The following DPP10 variants were observed in gnomAD, a reference collection of about 807,000 sequenced individuals.
DPP10 encodes dipeptidyl peptidase like 10.
Under a neutral mutation model 120.9 loss-of-function variants are expected in DPP10, and 33 were observed. The observed-to-expected ratio is 0.27, with a 90% CI of 0.21 to 0.37. The LOEUF (loss-of-function observed/expected upper bound fraction) is 0.37, where lower values mean the gene tolerates loss of function less well. DPP10 is among the 10% of genes least tolerant of loss of function. The probability of loss-of-function intolerance (pLI) is 1.00; values close to 1 mark genes in which losing one functional copy is unlikely to be tolerated. For missense variants in DPP10, 816 were observed against 942.8 expected, an observed-to-expected ratio of 0.87 and a Z score of 1.76; for synonymous variants, 337 against 326.1, an observed-to-expected ratio of 1.03 and a Z score of -0.36.
At chr2:115,037,572 G>GC (rs1173508406) in intron 1 of DPP10, among the ~76,000 whole-genome samples, 1 of 152,174 alleles carries the variant, frequency 6.6e-6, no homozygotes, top group Non-Finnish European at 1.5e-5. Context: ...GTTCCTTAGA[G>GC]CAACTACATG....
At chr2:114,677,933 A>G (rs753304891) in intron 1 of DPP10, among the ~76,000 whole-genome samples, 6 of 152,162 alleles carry the variant, frequency 3.9e-5, no homozygotes, top group Non-Finnish European at 8.8e-5. Context: ...TATGTTTTAC[A>G]TGTGATTTAT....
intron 1 of DPP10, among the ~76,000 whole-genome samples, chr2:114,876,087 TA>T (rs978377233): frequency 2.0e-5 from 3 of 152,010 alleles, no homozygotes; most frequent in African/African-American, 7.2e-5. Flanking sequence ...AAGCACTTTA[TA>T]AAGAAAAATA....
chr2:115,147,307 T>C (rs2051281777), intron 1 of DPP10, among the ~76,000 whole-genome samples: 1 of 152,020 alleles, frequency 6.6e-6, no homozygotes, highest in Admixed American at 6.6e-5. Flanking sequence ...TGAAAACTTA[T>C]TAATTAAAAT....
intron 3 of DPP10, among the ~76,000 whole-genome samples, chr2:115,461,922 G>T (rs2074009149): frequency 6.6e-6 from 1 of 151,928 alleles, no homozygotes; most frequent in African/African-American, 2.4e-5. Context: ...ATAAACTAAA[G>T]GCATAATTTA....
At chr2:115,471,633 C>T (rs1276803443) in intron 3 of DPP10, among the ~76,000 whole-genome samples, 1 of 151,134 alleles carries the variant, frequency 6.6e-6, no homozygotes, top group Non-Finnish European at 1.5e-5. Flanking sequence ...CTCACACAGA[C>T]TGGAGTGCAG....
At chr2:114,956,087 C>T (rs1698180787) in intron 1 of DPP10, among the ~76,000 whole-genome samples, 1 of 151,992 alleles carries the variant, frequency 6.6e-6, no homozygotes, top group Admixed American at 6.6e-5. Flanking sequence ...TACTGGATGT[C>T]TTAGCTAGAG....
intron 1 of DPP10, among the ~76,000 whole-genome samples, chr2:114,525,419 T>C (rs939798018): frequency 6.6e-6 from 1 of 152,176 alleles, no homozygotes; most frequent in East Asian, 1.9e-4. Flanking sequence ...AAGGAACACA[T>C]GTGTTAAAAG....
intron 1 of DPP10, among the ~76,000 whole-genome samples, chr2:114,494,459 C>T (rs1682323471): frequency 6.6e-6 from 1 of 152,126 alleles, no homozygotes; most frequent in Non-Finnish European, 1.5e-5. Flanking sequence ...GCCAGGGAAG[C>T]AGCATGTGAA....
chr2:114,783,490 A>G (rs1682503239), intron 1 of DPP10, among the ~76,000 whole-genome samples: 1 of 152,150 alleles, frequency 6.6e-6, no homozygotes, highest in African/African-American at 2.4e-5. Context: ...TTAAATAACT[A>G]AACATATAAA....
At chr2:114,801,007 T>C (rs1277165033) in intron 1 of DPP10, among the ~76,000 whole-genome samples, 1 of 151,374 alleles carries the variant, frequency 6.6e-6, no homozygotes, top group African/African-American at 2.4e-5. Flanking sequence ...CTCACGCCTG[T>C]AATCCCAGCA....
chr2:114,714,423 T>C (rs1701226926), intron 1 of DPP10, among the ~76,000 whole-genome samples: 1 of 152,150 alleles, frequency 6.6e-6, no homozygotes, highest in African/African-American at 2.4e-5. Flanking sequence ...TGAGAGCTGA[T>C]GATGACAGAG....
At chr2:115,427,044 C>G in intron 3 of DPP10, among the ~76,000 whole-genome samples, 1 of 152,230 alleles carries the variant, frequency 6.6e-6, no homozygotes, top group East Asian at 1.9e-4. Context: ...GTTCAAAACA[C>G]AGCAGGGTAG....
At chr2:115,099,684 G>A (rs1383484430) in intron 1 of DPP10, among the ~76,000 whole-genome samples, 1 of 152,172 alleles carries the variant, frequency 6.6e-6, no homozygotes, top group Non-Finnish European at 1.5e-5. Flanking sequence ...ATACTGTTGA[G>A]GATGTACTCA....
At chr2:115,786,503 T>TTAA (rs1343043386) in intron 17 of DPP10, among the ~76,000 whole-genome samples, 1 of 152,058 alleles carries the variant, frequency 6.6e-6, no homozygotes, top group East Asian at 1.9e-4. Context: ...CTTGTTTCCT[T>TTAA]TAATAATAAT....
chr2:115,571,957 A>G lies in DPP10; in HGVS notation c.441+45985A>G, dbSNP rs201683472. On this transcript the variant is annotated intron_variant, in intron 5 of 25. Coordinates refer to ENST00000410059, the MANE Select transcript of DPP10 (RefSeq NM_020868.6). ...CTAAATTATTACGGACCATTTTTCT[A>G]TTGAACAATTACATCACTCAATTTA... Among the ~76,000 whole-genome samples, 21 of 152,226 alleles carry G rather than the reference A, an allele frequency of 1.4e-4. 1 individual carries two copies. In the East Asian group the frequency reaches 2.3e-3, roughly 17 times the overall value.
chr2:114,934,123 T>A (rs1696282819), intron 1 of DPP10, among the ~76,000 whole-genome samples: 1 of 152,160 alleles, frequency 6.6e-6, no homozygotes, highest in Admixed American at 6.6e-5. Context: ...TTGAGTCCAC[T>A]ACAAAGAAAT....
At chr2:115,392,937 G>T (rs2067420014) in intron 3 of DPP10, among the ~76,000 whole-genome samples, 1 of 152,024 alleles carries the variant, frequency 6.6e-6, no homozygotes, top group Non-Finnish European at 1.5e-5. Flanking sequence ...GCCAGTATAA[G>T]AAACTAAAGT....
intron 1 of DPP10, among the ~76,000 whole-genome samples, chr2:114,599,460 T>A (rs1476923789): frequency 6.6e-6 from 1 of 151,812 alleles, no homozygotes; most frequent in East Asian, 1.9e-4. Flanking sequence ...CTACTCTAGG[T>A]TTTTTGGAGT....
chr2:115,622,829 C>CTTTTTTTTT (rs765780452), intron 5 of DPP10, among the ~76,000 whole-genome samples: 209 of 128,042 alleles, frequency 1.6e-3, no homozygotes, highest in Non-Finnish European at 2.3e-3. Context: ...TTCGTTTATT[C>CTTTTTTTTT]TTTTTTTTTT....
Sources: gnomAD v4.1 joint callset for allele counts (sites outside exome capture counted in the v4.1 genomes callset) on GRCh38, gnomAD v4.1.1 for gene constraint, MANE v1.5 for transcripts, NCBI Gene and HGNC (gene_info 2026-07-23, HGNC 2026-07-21) for gene names.